BAIAP2L2: variants seen among roughly 807,000 people sequenced by gnomAD.
The protein encoded by BAIAP2L2 is BAR/IMD domain-containing adapter protein 2-like 2.
Under a neutral mutation model 60.4 loss-of-function variants are expected in BAIAP2L2, and 65 were observed. The observed-to-expected ratio is 1.08, with a 90% confidence interval of 0.88 to 1.32. BAIAP2L2 has a LOEUF of 1.32. Ranked by LOEUF, BAIAP2L2 falls within the 40% of genes most tolerant of loss-of-function variation. The pLI is 0.00. For synonymous variants in BAIAP2L2, 344 were observed against 301.7 expected, an observed-to-expected ratio of 1.14 and a Z score of -1.45; for missense variants, 836 against 741.2, an observed-to-expected ratio of 1.13 and a Z score of -1.48.
chr22:38,092,198 CTAAT>C (rs1875089817), intron 7 of BAIAP2L2, among the ~76,000 whole-genome samples: 1 of 152,238 alleles, frequency 6.6e-6, no homozygotes, highest in African/African-American at 2.4e-5. Context: ...TAAGCAAAGA[CTAAT>C]TAGCGAAGAT....
chr22:38,103,486 T>A (rs949361401), intron 4 of BAIAP2L2, among the ~76,000 whole-genome samples: 1 of 152,150 alleles, frequency 6.6e-6, no homozygotes, highest in Admixed American at 6.6e-5. Flanking sequence ...AATGGCTCAT[T>A]CCATGTCTCA....
chr22:38,094,063 C>T, intron 7 of BAIAP2L2: 1 of 453,970 alleles, frequency 2.2e-6, no homozygotes, highest in Admixed American at 2.4e-5. Flanking sequence ...AAAGAGCACA[C>T]ACATTGTATG....
chr22:38,097,213 G>T, intron 6 of BAIAP2L2, 35 bp from the exon 7 acceptor site: 1 of 1,603,730 alleles, frequency 6.2e-7, no homozygotes. Context: ...TGGGGGCGGT[G>T]GGTGTGTCTC....
At chr22:38,101,466 G>A (rs1355722817) in intron 4 of BAIAP2L2, among the ~76,000 whole-genome samples, 4 of 137,616 alleles carry the variant, frequency 2.9e-5, no homozygotes, top group Admixed American at 1.6e-4. Flanking sequence ...AGGATTGCCC[G>A]AGCCCAGGAA....
At chr22:38,098,514 G>A (rs1347846656) in intron 4 of BAIAP2L2, 32 bp from the exon 5 acceptor site, 1 of 1,587,162 alleles carries the variant, frequency 6.3e-7, no homozygotes, top group Admixed American at 1.7e-5. Flanking sequence ...GGTGATCAAG[G>A]CCCCCCTACT....
intron 1 of BAIAP2L2, among the ~76,000 whole-genome samples, chr22:38,110,117 GA>G (rs2086795794): frequency 8.8e-5 from 2 of 22,706 alleles, no homozygotes; most frequent in African/African-American, 3.8e-4. Context: ...GGGAGAGAGA[GA>G]GGGAGAGAGA....
At chr22:38,089,436 A>T in intron 8 of BAIAP2L2, 86 bp downstream of exon 8, 1 of 709,364 alleles carries the variant, frequency 1.4e-6, no homozygotes, top group Non-Finnish European at 1.9e-6. Flanking sequence ...GGGGGGCAGG[A>T]GGCTCCAGGC....
Position 38,088,877 on chromosome 22 carries a change from C to G in BAIAP2L2, c.989G>C (p.Arg330Pro), listed in dbSNP as rs748718248. The change falls in exon 10 of 14, where the codon CGC becomes CCC. Residue 330 changes from arginine to proline, a missense_variant. By Grantham distance (103) the Arg-to-Pro change is moderately radical. Coordinates refer to ENST00000381669, the MANE Select transcript of BAIAP2L2 (RefSeq NM_025045.6). ...GCCCTCCGAGTGGGAGACCAGGGCG[C>G]GGACTCTCCTGGCGCCCCCGCCGCC... ...PGGGGGARRV[R>P]ALVSHSEGAN... 6.3e-7 allele frequency: 1 copy of G among 1,590,370 alleles called. No homozygotes were observed. Among genetic ancestry groups the G allele is most frequent in the Non-Finnish European group, 8.5e-7 (1 of 1,176,040 alleles).
intron 1 of BAIAP2L2, among the ~76,000 whole-genome samples, chr22:38,109,790 G>A (rs929974521): frequency 2.6e-5 from 4 of 152,004 alleles, no homozygotes; most frequent in South Asian, 2.1e-4. Context: ...CTTGGGTCTC[G>A]GTTCAAATCC....
intron 2 of BAIAP2L2, 91 bp downstream of exon 2, chr22:38,109,042 G>A: frequency 9.1e-7 from 1 of 1,102,752 alleles, no homozygotes; most frequent in Non-Finnish European, 1.4e-6. Context: ...GGATGAACAG[G>A]TGTGGGATGC....
rs2145652552 is a variant in BAIAP2L2 at position 38,110,624 on chromosome 22, C to G, written c.-99G>C. ...AGTCCCTCAGGTGCCCACGACTCAG[C>G]TGGCAGCGAGGAAGCCTCGGAGAGG... On this transcript the variant is annotated 5_prime_UTR_variant, in exon 1 of 14. Transcript: ENST00000381669. 2.0e-6 allele frequency: 2 copies of G among 1,010,344 alleles called. No homozygotes were observed. Among genetic ancestry groups the G allele is most frequent in the East Asian group, 5.4e-5 (2 of 36,900 alleles). The allele number at this position is 1,010,344 out of a possible 1,614,324, so 62.6% of individuals were successfully genotyped here.
At chr22:38,107,808 C>G (rs771873653) in intron 4 of BAIAP2L2, 44 bp downstream of exon 4, 3 of 1,586,254 alleles carry the variant, frequency 1.9e-6, no homozygotes, top group South Asian at 2.2e-5. Context: ...ACATAGCCCA[C>G]TTTCCTCGAG....
In BAIAP2L2 at chr22:38,089,148, G is replaced by A. The variant is rs543373295; in HGVS notation, c.849C>T (p.Pro283=). 369 of 1,343,580 alleles carry A rather than the reference G, an allele frequency of 2.7e-4. No individual in the cohort carries two copies. The South Asian group carries it at 4.7e-3, about 17-fold the overall frequency. The allele number at this position is 1,343,580 out of a possible 1,614,324, so 83.2% of individuals were successfully genotyped here. A position where few individuals can be genotyped will look rare whatever the true frequency, so the allele number is the denominator to read the frequency against. ...GACGGTCTGGCTCTAGCTGGGACGCGGGCCTCGCGTCGGGCTCGGTGCCGT... is the reference window on the plus strand; with the variant it reads ...GACGGTCTGGCTCTAGCTGGGACGCAGGCCTCGCGTCGGGCTCGGTGCCGT... ...GSYGTEPDAR[P]ASQLEPDRRS... is the part of the protein sequence containing the mutation. The change falls in exon 9 of 14, where the codon CCC becomes CCT. Residue 283 remains proline, a synonymous_variant. Transcript: ENST00000381669.
chr22:38,110,108 G>GGAGAGAGAGACAGA (rs1569234218), intron 1 of BAIAP2L2, among the ~76,000 whole-genome samples: 2 of 3,142 alleles, frequency 6.4e-4, no homozygotes, highest in Non-Finnish European at 2.8e-3. Flanking sequence ...ACAGAGAGAG[G>GGAGAGAGAGACAGA]GAGAGAGAGA....
Position 38,088,823 on chromosome 22 carries a change from G to C in BAIAP2L2, c.1043C>G (p.Ala348Gly). The C allele has an allele frequency of 6.2e-7, 1 of 1,600,698 alleles. No homozygotes were observed. The highest frequency in any genetic ancestry group is 8.5e-7 in the Non-Finnish European group (1 of 1,179,660). The change falls in exon 10 of 14, where the codon GCT becomes GGT. Residue 348 changes from alanine to glycine, a missense_variant. Ala to Gly is a moderately conservative substitution (Grantham distance 60, BLOSUM62 0). Transcript: ENST00000381669. ...GANHTLLRFS[A>G]GDVVEVLVPE... Reference sequence around the variant, plus strand: ...CACCAACACCTCCACCACGTCCCCAGCGGAGAAGCGCAGCAGCGTGTGGTT... The same window carrying C: ...CACCAACACCTCCACCACGTCCCCACCGGAGAAGCGCAGCAGCGTGTGGTT...
chr22:38,085,385 G>A lies in BAIAP2L2; in HGVS notation c.1515-10C>T. ...AAAAGGATTTGTGCCCCTGTAGGAG[G>A]AGAGAGAGAATGGGGTGAGAAGGGC... is the stretch of plus-strand genomic sequence containing the variant. On this transcript the variant is annotated splice_polypyrimidine_tract_variant and intron_variant, in intron 13 of 13. Coordinates refer to ENST00000381669, the MANE Select transcript of BAIAP2L2 (RefSeq NM_025045.6). 6.2e-7 allele frequency: 1 copy of A among 1,612,250 alleles called. No individual in the cohort carries two copies. Among genetic ancestry groups the A allele is most frequent in the Non-Finnish European group, 8.5e-7 (1 of 1,178,678 alleles).
intron 6 of BAIAP2L2, 69 bp from the exon 7 acceptor site, chr22:38,097,247 C>G: frequency 6.4e-7 from 1 of 1,567,828 alleles, no homozygotes; most frequent in Non-Finnish European, 8.7e-7. Context: ...CGCCCACAGG[C>G]GCCAGCTGTT....
chr22:38,106,917 C>T (rs1358698519), intron 4 of BAIAP2L2, among the ~76,000 whole-genome samples: 2 of 152,140 alleles, frequency 1.3e-5, no homozygotes, highest in South Asian at 2.1e-4. Flanking sequence ...GAAGGCTCTG[C>T]GGCGCTCCCA....
chr22:38,099,427 A>G (rs980181408), intron 4 of BAIAP2L2, among the ~76,000 whole-genome samples: 6 of 152,152 alleles, frequency 3.9e-5, no homozygotes, highest in Non-Finnish European at 5.9e-5. Flanking sequence ...CCAGCTACTC[A>G]GGAGGCTGAG....
Sources: allele counts gnomAD v4.1 joint callset (sites outside exome capture counted in the v4.1 genomes callset), GRCh38; gene constraint gnomAD v4.1.1; transcripts MANE v1.5; gene names NCBI Gene and HGNC (gene_info 2026-07-23, HGNC 2026-07-21).